The following TSC2 variants were observed in gnomAD, a reference collection of about 807,000 sequenced individuals.
TSC2 encodes tuberin.
TSC2 carries 29 observed loss-of-function variants against 202.2 expected under a neutral mutation model. The observed-to-expected ratio is 0.14, with a 90% CI of 0.11 to 0.20. TSC2 has a LOEUF of 0.20. Among genes scored for constraint, TSC2 ranks in the 10% least tolerant of loss-of-function variants. The probability of loss-of-function intolerance (pLI) is 1.00; values close to 1 mark genes in which losing one functional copy is unlikely to be tolerated. For missense variants in TSC2, 2,429 were observed against 2,420.0 expected (o/e 1.00, Z -0.08); for synonymous variants, 1,349 against 1,044.0 (o/e 1.29, Z -5.63).
At chr16:2,083,200 C>G in intron 32 of TSC2, 1 of 458,584 alleles carries the variant, frequency 2.2e-6, no homozygotes, top group Non-Finnish European at 4.4e-6. Context: ...GCTTTGGGAC[C>G]TCCCACCCTC....
intron 2 of TSC2, 45 bp from the exon 3 acceptor site, chr16:2,050,355 G>A (rs371926176): frequency 8.2e-6 from 13 of 1,578,704 alleles, no homozygotes; most frequent in East Asian, 2.2e-5. Flanking sequence ...TAAGGAGACC[G>A]TGGCCTGAGC....
intron 4 of TSC2, 91 bp downstream of exon 4, chr16:2,053,543 G>C: frequency 7.7e-7 from 1 of 1,301,826 alleles, no homozygotes; most frequent in Non-Finnish European, 1.1e-6. Flanking sequence ...TCCTGCCTCG[G>C]TGAGTTGCTG....
At chr16:2,071,956 C>T (rs899777633) in intron 19 of TSC2, 22 bp downstream of exon 19, 18 of 1,556,404 alleles carry the variant, frequency 1.2e-5, no homozygotes, top group Non-Finnish European at 1.6e-5. Context: ...CGGGCAGGGA[C>T]CATCCGTCCC....
chr16:2,050,246 C>T (rs992519431), intron 2 of TSC2, among the ~76,000 whole-genome samples, 154 bp from the exon 3 acceptor site: 2 of 152,096 alleles, frequency 1.3e-5, no homozygotes, highest in African/African-American at 4.8e-5. Context: ...CCTGAGCCAC[C>T]GCGGCTCGTC....
intron 35 of TSC2, 64 bp from the exon 36 acceptor site, chr16:2,085,166 C>T (rs1305981252): frequency 6.2e-7 from 1 of 1,609,000 alleles, no homozygotes; most frequent in Non-Finnish European, 8.5e-7. Context: ...CCGTGACCGG[C>T]CTGGGTGGGG....
chr16:2,058,795 G>A lies in TSC2; in HGVS notation c.897G>A (p.Val299=), dbSNP rs1382139812. 2 of 1,596,776 alleles carry A rather than the reference G, an allele frequency of 1.3e-6. No individual in the cohort carries two copies. Among genetic ancestry groups the A allele is most frequent in the Non-Finnish European group, 8.5e-7 (1 of 1,171,418 alleles). The change falls in exon 10 of 42, where the codon GTG becomes GTA. Residue 299 remains valine, a synonymous_variant. Transcript: ENST00000219476. ...TGCTGAGAGGAGCCGTGTTTTTTGT[G>A]GGCATGGCTCTCTGGGGAGCCCACC... ...APLLRGAVFF[V]GMALWGAHRL... is the part of the protein sequence containing the mutation.
At chr16:2,061,777 G>A (rs1419411304) in intron 11 of TSC2, 94 bp from the exon 12 acceptor site, 1 of 1,602,466 alleles carries the variant, frequency 6.2e-7, no homozygotes, top group Non-Finnish European at 8.5e-7. Flanking sequence ...AGGGCTGAGG[G>A]TGTCTCCATG....
intron 29 of TSC2, 40 bp from the exon 30 acceptor site, chr16:2,080,125 A>G: frequency 1.2e-6 from 2 of 1,609,100 alleles, no homozygotes; most frequent in Non-Finnish European, 1.7e-6. Flanking sequence ...GTTTTGCATC[A>G]GGTAAGTGGT....
chr16:2,062,768 A>T (rs1255342420), intron 13 of TSC2, 168 bp downstream of exon 13: 6 of 909,528 alleles, frequency 6.6e-6, no homozygotes, highest in Non-Finnish European at 5.2e-6. Context: ...CCAGTCCAGC[A>T]GGACAGGTCC....
At chr16:2,080,082 G>A (rs1399627037) in intron 29 of TSC2, 83 bp from the exon 30 acceptor site, 2 of 1,581,146 alleles carry the variant, frequency 1.3e-6, no homozygotes, top group Middle Eastern at 1.7e-4. Flanking sequence ...TAGCTTGCCA[G>A]GCTCGGGGGG....
rs1596347135 is a variant in TSC2 at position 2,072,261 on chromosome 16, G to A, written c.2118G>A (p.Leu706=). ...CLKQESDWKV[L]KLVLGRLPES... is the part of the protein sequence containing the mutation. ...CGCAGGAGTCTGACTGGAAGGTGCT[G>A]AAGCTGGTTCTGGGCAGGCTGCCTG... Residue 706 remains leucine (L), a synonymous_variant, in exon 20 of 42, where the codon CTG becomes CTA. Coordinates refer to ENST00000219476, the MANE Select transcript of TSC2 (RefSeq NM_000548.5). 2 of 1,614,128 alleles carry A rather than the reference G, an allele frequency of 1.2e-6. No homozygotes were observed. Among genetic ancestry groups the A allele is most frequent in the Non-Finnish European group, 1.7e-6 (2 of 1,180,046 alleles).
intron 26 of TSC2, 37 bp from the exon 27 acceptor site, chr16:2,078,995 C>T (rs373710692): frequency 5.6e-6 from 9 of 1,611,102 alleles, no homozygotes; most frequent in African/African-American, 4.0e-5. Context: ...CCCGCCCTAC[C>T]TGGCACCCTG....
rs912368700 is a variant in TSC2, at chr16:2,048,146, C to T, written c.-30+81C>T. On this transcript the variant is annotated intron_variant, in intron 1 of 41. Transcript: ENST00000219476. The stretch of plus-strand genomic sequence containing the variant: ...GAGGCGGACCCCGCAGTGTCCGGGT[C>T]CCGGGCCCTCACCCGCGCCCACTGC... 13 of 1,528,912 alleles carry T rather than the reference C, an allele frequency of 8.5e-6. No individual in the cohort carries two copies. The East Asian group carries it at 3.0e-4, about 35-fold the overall frequency. The allele number at this position is 1,528,912 out of a possible 1,614,324, so 94.7% of individuals were successfully genotyped here. A position where few individuals can be genotyped will look rare whatever the true frequency, so the allele number is the denominator to read the frequency against.
In TSC2 at chr16:2,089,373, ACCCT is replaced by A. The variant is rs752234831; in HGVS notation, c.*768_*771del. ...GGCAGGGTGGCGGCGGTGCAGGCTA[ACCCT>A]CCCTGAAGCCAGCAGCCTTAGCAGT... On this transcript the variant is annotated 3_prime_UTR_variant, in exon 42 of 42. Transcript: ENST00000219476. 7 of 393,946 alleles carry A rather than the reference ACCCT, an allele frequency of 1.8e-5. No homozygotes were observed. The highest frequency in any genetic ancestry group is 3.3e-5 in the Non-Finnish European group (7 of 214,600). 24.4% of individuals were successfully genotyped at this position (393,946 alleles called of 1,614,324 possible).
intron 25 of TSC2, among the ~76,000 whole-genome samples, chr16:2,076,856 T>A (rs1000813971): frequency 6.6e-6 from 1 of 152,184 alleles, no homozygotes; most frequent in Admixed American, 6.5e-5. Flanking sequence ...CCTGAGCCCC[T>A]CGAAGGAGCC....
chr16:2,050,805 T>A (rs2085019777), intron 3 of TSC2, among the ~76,000 whole-genome samples: 1 of 151,446 alleles, frequency 6.6e-6, no homozygotes, highest in Non-Finnish European at 1.5e-5. Context: ...GCCAGGCTGG[T>A]CTTGAACTCC....
At chr16:2,068,072 C>T (rs1036467480) in intron 16 of TSC2, among the ~76,000 whole-genome samples, 2 of 152,176 alleles carry the variant, frequency 1.3e-5, no homozygotes, top group African/African-American at 4.8e-5. Context: ...AGTCTCACCA[C>T]TATGTCACCC....
chr16:2,080,686 G>C (rs11640493), intron 30 of TSC2: 26 of 371,668 alleles, frequency 7.0e-5, no homozygotes, highest in East Asian at 5.2e-4. Flanking sequence ...GGGTTTCACT[G>C]TGTTAGCCAG....
chr16:2,074,329 A>C lies in TSC2; in HGVS notation c.2485A>C (p.Lys829Gln), dbSNP rs1217395053. The C allele has an allele frequency of 6.2e-7, 1 of 1,612,904 alleles. No individual in the cohort carries two copies. The highest frequency in any genetic ancestry group is 2.2e-5 in the East Asian group (1 of 44,876). The part of the protein sequence containing the change: ...IIKALPVLVV[K>Q]LTHISATASM... Reference sequence around the variant, plus strand: ...CAAGGCGCTGCCTGTTCTGGTGGTGAAGCTCACGCACATCTCAGCCACAGC... The same window carrying C: ...CAAGGCGCTGCCTGTTCTGGTGGTGCAGCTCACGCACATCTCAGCCACAGC... Residue 829 changes from lysine (K) to glutamine (Q), a missense_variant, in exon 22 of 42, where the codon AAG (lysine) becomes CAG (glutamine). Lys to Gln is a moderately conservative substitution (Grantham distance 53, BLOSUM62 1). Coordinates refer to ENST00000219476, the MANE Select transcript of TSC2 (RefSeq NM_000548.5).
Sources: allele counts gnomAD v4.1 joint callset (sites outside exome capture counted in the v4.1 genomes callset), GRCh38; gene constraint gnomAD v4.1.1; transcripts MANE v1.5; gene names NCBI Gene and HGNC (gene_info 2026-07-23, HGNC 2026-07-21).